Variants in LSP1 observed in about 807,000 individuals in gnomAD.
LSP1 encodes the protein lymphocyte-specific protein 1.
LSP1 carries 32 observed loss-of-function variants against 49.3 expected under a neutral mutation model. The ratio of observed to expected loss-of-function variants is 0.65; its 90% CI spans 0.49 to 0.87. The LOEUF is 0.87. Ranked by LOEUF, LSP1 falls within the 40% of genes least tolerant of loss-of-function variation. The pLI is 0.00. For missense variants in LSP1, 428 were observed against 442.6 expected (o/e 0.97, Z 0.30); for synonymous variants, 179 against 178.8 (o/e 1.00, Z -0.01).
At chr11:1,858,495 C>A (rs1407623046) in intron 1 of LSP1, among the ~76,000 whole-genome samples, 1 of 152,116 alleles carries the variant, frequency 6.6e-6, no homozygotes, top group African/African-American at 2.4e-5. Context: ...CCCTCAGCAT[C>A]TTTTTGGGGG....
chr11:1,891,386 G>T, intron 10 of LSP1: 1 of 152,458 alleles, frequency 6.6e-6, no homozygotes, highest in Non-Finnish European at 1.5e-5. Context: ...CAAGAACAGA[G>T]CTGCTGGAGG....
intron 8 of LSP1, 74 bp from the exon 9 acceptor site, chr11:1,887,163 G>A (rs1176022119): frequency 7.4e-7 from 1 of 1,353,748 alleles, no homozygotes; most frequent in East Asian, 2.5e-5. Flanking sequence ...CAAGGCGGGA[G>A]AGAAGGGCCC....
chr11:1,884,946 A>C lies in LSP1; in HGVS notation c.717+365A>C, dbSNP rs1488108165. Among the ~76,000 whole-genome samples the C allele has an allele frequency of 4.0e-5, 6 of 151,660 alleles. No individual in the cohort carries two copies. Among genetic ancestry groups the C allele is most frequent in the African/African-American group, 1.5e-4 (6 of 41,218 alleles). On this transcript the variant is annotated intron_variant, in intron 7 of 10. Coordinates refer to ENST00000311604, the MANE Select transcript of LSP1 (RefSeq NM_002339.3). The surrounding 1 kb of genome is among the most constrained non-coding windows in gnomAD (Gnocchi z 4.1). ...CAATCAATGCCCCCCTCGGAACAGT[A>C]CTCCACCACCCAATCAATGCTCTTT...
chr11:1,886,720 C>T lies in LSP1; in HGVS notation c.718-12C>T, dbSNP rs771269241. ...CCACTAAGGTAATCCTGATGCTTTT[C>T]CTCCTCTGCAGACCGCTGGCCGGAC... On this transcript the variant is annotated splice_polypyrimidine_tract_variant and intron_variant, in intron 7 of 10. Coordinates refer to ENST00000311604, the MANE Select transcript of LSP1 (RefSeq NM_002339.3). 29 of 1,600,852 alleles carry T rather than the reference C, an allele frequency of 1.8e-5. 1 individual carries two copies. Among genetic ancestry groups the T allele is most frequent in the Middle Eastern group, 2.3e-4 (1 of 4,398 alleles).
At chr11:1,854,535 T>C (rs1264828243) in intron 1 of LSP1, among the ~76,000 whole-genome samples, 2 of 152,204 alleles carry the variant, frequency 1.3e-5, no homozygotes, top group Non-Finnish European at 2.9e-5. Context: ...CATCTCTGAC[T>C]TCTTGCTGCC....
chr11:1,880,198 C>T lies in LSP1; in HGVS notation c.165C>T (p.Val55=), dbSNP rs375928183. The change falls in exon 2 of 11, where the codon GTC becomes GTT. Residue 55 remains valine (V), a synonymous_variant. Coordinates refer to ENST00000311604, the MANE Select transcript of LSP1 (RefSeq NM_002339.3). ...AGGACGAGGAGGGAGGCGGCCATGT[C>T]CCCGAGCGGCCGAAGCAGGAGATGC... is the stretch of plus-strand genomic sequence containing the variant. ...QAQDEEGGGH[V]PERPKQEMLL... is the part of the protein sequence containing the mutation. The T allele has an allele frequency of 2.5e-6, 4 of 1,599,952 alleles. No homozygotes were observed. Among genetic ancestry groups the T allele is most frequent in the Admixed American group, 1.7e-5 (1 of 58,488 alleles).
chr11:1,872,094 G>C (rs1848045433), intron 1 of LSP1, among the ~76,000 whole-genome samples: 1 of 141,128 alleles, frequency 7.1e-6, no homozygotes, highest in African/African-American at 2.7e-5. Context: ...TGTCTGGCTG[G>C]CGTGGGCACT....
At chr11:1,854,562 C>T (rs1213124491) in intron 1 of LSP1, among the ~76,000 whole-genome samples, 3 of 152,184 alleles carry the variant, frequency 2.0e-5, no homozygotes, top group Admixed American at 6.5e-5. Context: ...CACTTGGGTA[C>T]AGGTGCGGGG....
In LSP1 at chr11:1,879,183, A is replaced by G. The variant is rs149138155; in HGVS notation, c.54-904A>G. Among the ~76,000 whole-genome samples, 1,444 of 152,150 alleles carry G rather than the reference A, an allele frequency of 9.5e-3. 32 individuals carry two copies. The highest frequency in any genetic ancestry group is 0.033 in the African/African-American group (1,385 of 41,502). On this transcript the variant is annotated intron_variant, in intron 1 of 10. Transcript: ENST00000311604. ...AACATGGAGAAACCCTGTCTCTACT[A>G]AAAAATACAAAATTAGCCGGGTATG...
At chr11:1,887,634 G>C in intron 10 of LSP1, 58 bp downstream of exon 10, 1 of 1,438,604 alleles carries the variant, frequency 7.0e-7, no homozygotes, top group Non-Finnish European at 9.7e-7. Flanking sequence ...ACTGTGCTGG[G>C]AACTTGGCAA....
Position 1,889,298 on chromosome 11 carries a change from G to C in LSP1, c.*13+1722G>C, listed in dbSNP as rs1283088014. The C allele has an allele frequency of 2.6e-5, 18 of 700,000 alleles. No homozygotes were observed. The East Asian group carries it at 4.6e-4, about 18-fold the overall frequency. 43.4% of individuals were successfully genotyped at this position (700,000 alleles called of 1,614,324 possible). A position where few individuals can be genotyped will look rare whatever the true frequency, so the allele number is the denominator to read the frequency against. The stretch of plus-strand genomic sequence containing the variant: ...GGTACAGGAAGGGCAGGCGGGTGAG[G>C]CTGGCTGGGGTGTGCTCCCCACCGC... On this transcript the variant is annotated intron_variant, in intron 10 of 10. Transcript: ENST00000311604.
At chr11:1,873,881 G>A (rs1197781598) in intron 1 of LSP1, among the ~76,000 whole-genome samples, 3 of 130,632 alleles carry the variant, frequency 2.3e-5, no homozygotes, top group African/African-American at 9.4e-5. Context: ...GAGGGAGGCT[G>A]GCAGAGCAGG....
At chr11:1,864,677 TGA>T (rs1847729629) in intron 1 of LSP1, among the ~76,000 whole-genome samples, 1 of 150,820 alleles carries the variant, frequency 6.6e-6, no homozygotes, top group African/African-American at 2.4e-5. Context: ...AAGCAGCTGC[TGA>T]GAGTCCTGAA....
rs753518341 is a variant in LSP1, at chr11:1,886,874, C to T, written c.852+8C>T. ...AAGACTCCGTCCTGCAAGGTAAGGT[C>T]CCCTCCAGGGGCAAGGCTGGGCTGC... On this transcript the variant is annotated splice_region_variant and intron_variant, in intron 8 of 10. Transcript: ENST00000311604. The T allele has an allele frequency of 6.2e-7, 1 of 1,609,776 alleles. No homozygotes were observed. Among genetic ancestry groups the T allele is most frequent in the Non-Finnish European group, 8.5e-7 (1 of 1,178,976 alleles).
At chr11:1,886,632 A>T (rs1848761786) in intron 7 of LSP1, 100 bp from the exon 8 acceptor site, 47 of 1,376,232 alleles carry the variant, frequency 3.4e-5, no homozygotes, top group Non-Finnish European at 4.4e-5. Flanking sequence ...GCTCCCAGGG[A>T]AAACACAAAC....
chr11:1,860,189 G>A (rs1164007070), intron 1 of LSP1, among the ~76,000 whole-genome samples: 1 of 152,144 alleles, frequency 6.6e-6, no homozygotes, highest in Non-Finnish European at 1.5e-5. Flanking sequence ...CAATTATGGA[G>A]AACAGTATGA....
chr11:1,861,006 A>C (rs1183262405), intron 1 of LSP1, among the ~76,000 whole-genome samples: 2 of 152,206 alleles, frequency 1.3e-5, no homozygotes, highest in African/African-American at 2.4e-5. Flanking sequence ...AGAAAGATAG[A>C]TAGATAATGA....
At chr11:1,869,146 G>T in intron 1 of LSP1, 1 of 412,732 alleles carries the variant, frequency 2.4e-6, no homozygotes, top group Non-Finnish European at 3.4e-6. Flanking sequence ...GGCTCCAAGT[G>T]GGCTGAGACC....
chr11:1,857,280 T>C (rs1847513224), intron 1 of LSP1, among the ~76,000 whole-genome samples: 1 of 152,168 alleles, frequency 6.6e-6, no homozygotes, highest in Admixed American at 6.5e-5. Context: ...AAAACAATCC[T>C]GGAGCCACAC....
Sources: allele counts gnomAD v4.1 joint callset (sites outside exome capture counted in the v4.1 genomes callset), GRCh38; gene constraint gnomAD v4.1.1; non-coding constraint Gnocchi (gnomAD v3.1); transcripts MANE v1.5; gene names NCBI Gene and HGNC (gene_info 2026-07-23, HGNC 2026-07-21).